NCOA1: variants seen among roughly 807,000 people sequenced by gnomAD.
NCOA1 encodes the protein Hin-2 protein.
A neutral mutation model predicts 150.9 loss-of-function variants in NCOA1; 35 were observed. The ratio of observed to expected loss-of-function variants is 0.23; its 90% confidence interval spans 0.18 to 0.31. NCOA1 has a LOEUF of 0.31. NCOA1 is among the 10% of genes least tolerant of loss of function. The pLI is 1.00. For synonymous variants in NCOA1, 590 were observed against 630.0 expected (o/e 0.94, Z 0.95); for missense variants, 1,491 against 1,749.3 (o/e 0.85, Z 2.63).
intron 17 of NCOA1, among the ~76,000 whole-genome samples, chr2:24,732,297 C>G (rs1663054180): frequency 6.7e-6 from 1 of 150,374 alleles, no homozygotes; most frequent in Non-Finnish European, 1.5e-5. Context: ...GGTAACCTAA[C>G]AGAGTAAAGT....
chr2:24,589,209 C>T (rs1667542416), intron 3 of NCOA1, among the ~76,000 whole-genome samples: 1 of 152,098 alleles, frequency 6.6e-6, no homozygotes, highest in South Asian at 2.1e-4. Context: ...GAATTGTGGC[C>T]ACCGAGGTAC....
intron 1 of NCOA1, among the ~76,000 whole-genome samples, chr2:24,516,977 C>CATATACGTATATATACGTGTAT (rs70947822): frequency 0.43 from 24,690 of 56,920 alleles, 8,577 homozygotes; most frequent in Non-Finnish European, 0.57. Context: ...TATATATACA[C>CATATACGTATATATACGTGTAT]ATATACGTAT....
intron 3 of NCOA1, among the ~76,000 whole-genome samples, chr2:24,586,314 G>A (rs951432707): frequency 1.3e-5 from 2 of 151,312 alleles, no homozygotes; most frequent in African/African-American, 4.9e-5. Context: ...TAGCTGGGCC[G>A]GTGATGTGCG....
chr2:24,570,790 G>A (rs1666712751), intron 2 of NCOA1, among the ~76,000 whole-genome samples: 1 of 152,214 alleles, frequency 6.6e-6, no homozygotes. Context: ...GATACCATGT[G>A]AATGCAGTTA....
intron 4 of NCOA1, among the ~76,000 whole-genome samples, chr2:24,646,795 T>C (rs947668165): frequency 1.3e-5 from 2 of 151,598 alleles, no homozygotes; most frequent in African/African-American, 2.4e-5. Context: ...AAAGGAAATC[T>C]AGAAACTAGA....
chr2:24,670,141 A>T (rs1671617010), intron 6 of NCOA1, among the ~76,000 whole-genome samples: 1 of 151,880 alleles, frequency 6.6e-6, no homozygotes, highest in Non-Finnish European at 1.5e-5. Context: ...TGTCTTAGGA[A>T]AAAAAACAGA....
intron 1 of NCOA1, among the ~76,000 whole-genome samples, chr2:24,544,470 C>T (rs955404583): frequency 7.2e-5 from 11 of 152,188 alleles, no homozygotes; most frequent in East Asian, 1.9e-4. Context: ...TGGCTGGGTG[C>T]GGTGGCTCAT....
Position 24,493,254 on chromosome 2 carries a change from G to C in NCOA1, c.-396+1652G>C, listed in dbSNP as rs187846004. 2.2e-3 allele frequency among the ~76,000 whole-genome samples: 340 copies of C among 152,272 alleles called. 2 individuals are homozygous for C. Among genetic ancestry groups the C allele is most frequent in the Non-Finnish European group, 3.8e-3 (261 of 68,018 alleles). On this transcript the variant is annotated intron_variant, in intron 1 of 22. Transcript: ENST00000348332. The stretch of plus-strand genomic sequence containing the variant: ...GTACTTTGTGGAAAGGTCTAATTTG[G>C]TTTTGTGAACGAATGTCCGAAATGT...
chr2:24,566,325 C>T (rs1666504383), intron 2 of NCOA1, among the ~76,000 whole-genome samples: 2 of 151,932 alleles, frequency 1.3e-5, no homozygotes, highest in African/African-American at 4.8e-5. Context: ...ATCCCATCCT[C>T]TCCTCAGCTT....
intron 1 of NCOA1, among the ~76,000 whole-genome samples, chr2:24,522,386 C>T (rs929924673): frequency 6.6e-6 from 1 of 152,156 alleles, no homozygotes; most frequent in East Asian, 1.9e-4. Context: ...CTACAGTGTT[C>T]AAGCTTTGTG....
intron 7 of NCOA1, among the ~76,000 whole-genome samples, chr2:24,674,859 A>C (rs1247712624): frequency 6.6e-6 from 1 of 152,090 alleles, no homozygotes; most frequent in Non-Finnish European, 1.5e-5. Context: ...ATTGGTCCAT[A>C]AGAAAACTGC....
intron 3 of NCOA1, among the ~76,000 whole-genome samples, chr2:24,634,171 G>A (rs1019150722): frequency 6.6e-6 from 1 of 152,158 alleles, no homozygotes; most frequent in Non-Finnish European, 1.5e-5. Context: ...TGACCAGAAG[G>A]TATGTACCAA....
chr2:24,597,695 G>A (rs886166335), intron 3 of NCOA1, among the ~76,000 whole-genome samples: 1 of 152,106 alleles, frequency 6.6e-6, no homozygotes, highest in Non-Finnish European at 1.5e-5. Flanking sequence ...TCTCTTGAAA[G>A]CCTTCAGCTG....
chr2:24,548,799 G>A (rs986594371), intron 1 of NCOA1, among the ~76,000 whole-genome samples: 4 of 152,210 alleles, frequency 2.6e-5, no homozygotes, highest in Admixed American at 6.5e-5. Flanking sequence ...AAGCTGTTGC[G>A]AGGGGTGGGT....
intron 3 of NCOA1, among the ~76,000 whole-genome samples, chr2:24,642,335 A>AT (rs1491475105): frequency 1.4e-5 from 2 of 144,834 alleles, no homozygotes; most frequent in Admixed American, 1.4e-4. Context: ...ATATATATAT[A>AT]TTTTTTAAAA....
At chr2:24,738,600 C>A (rs1361768059) in intron 17 of NCOA1, among the ~76,000 whole-genome samples, 1 of 152,132 alleles carries the variant, frequency 6.6e-6, no homozygotes, top group Non-Finnish European at 1.5e-5. Context: ...AAAAAAGGTT[C>A]ATGATAAATA....
In NCOA1 at chr2:24,584,476, G is replaced by A. The variant is rs966687463; in HGVS notation, c.-259G>A. ...TGACTTACTGTTTTCCTAATTTCAG[G>A]TTCCAGTTACAGCTATATCAGAGAA... On this transcript the variant is annotated splice_region_variant and 5_prime_UTR_variant, in exon 3 of 23. Coordinates refer to ENST00000348332, the MANE Select transcript of NCOA1 (RefSeq NM_003743.5). 10 of 152,076 alleles carry A rather than the reference G, an allele frequency of 6.6e-5. No individual in the cohort carries two copies. Among genetic ancestry groups the A allele is most frequent in the Admixed American group, 4.6e-4 (7 of 15,266 alleles). The allele number at this position is 152,076 out of a possible 1,614,324, so 9.4% of individuals were successfully genotyped here. A position where few individuals can be genotyped will look rare whatever the true frequency, so the allele number is the denominator to read the frequency against.
rs1054377513 is a variant in NCOA1, at chr2:24,598,854, A to G, written c.-175+14294A>G. Among the ~76,000 whole-genome samples, 12 of 152,094 alleles carry G rather than the reference A, an allele frequency of 7.9e-5. No individual in the cohort carries two copies. In the East Asian group the frequency reaches 1.9e-3, roughly 24 times the overall value. ...GCATAACTCTGGGGTTTGGGCTTCTATTGAACTCATCGTTCAAATAATCAA... is the reference window on the plus strand; with the variant it reads ...GCATAACTCTGGGGTTTGGGCTTCTGTTGAACTCATCGTTCAAATAATCAA... On this transcript the variant is annotated intron_variant, in intron 3 of 22. Transcript: ENST00000348332.
At chr2:24,524,326 C>T (rs1422575546) in intron 1 of NCOA1, among the ~76,000 whole-genome samples, 1 of 152,150 alleles carries the variant, frequency 6.6e-6, no homozygotes, top group Non-Finnish European at 1.5e-5. Context: ...GACAGGGTCG[C>T]ACTCTGTCGC....
Sources: allele counts gnomAD v4.1 joint callset (sites outside exome capture counted in the v4.1 genomes callset), GRCh38; gene constraint gnomAD v4.1.1; transcripts MANE v1.5; gene names NCBI Gene and HGNC (gene_info 2026-07-23, HGNC 2026-07-21).